NAA30: variants seen among roughly 807,000 people sequenced by gnomAD.
NAA30 encodes N-alpha-acetyltransferase 30, NatC catalytic subunit.
NAA30 carries 5 observed loss-of-function variants against 31.4 expected under a neutral mutation model. That is an observed-to-expected ratio of 0.16 (90% CI 0.08 to 0.33). The LOEUF is 0.33. Among genes scored for constraint, NAA30 ranks in the 10% least tolerant of loss-of-function variants. The pLI is 1.00. For synonymous variants in NAA30, 222 were observed against 207.1 expected (o/e 1.07, Z -0.62); for missense variants, 428 against 490.8 (o/e 0.87, Z 1.21).
Position 57,391,385 on chromosome 14 carries a change from C to A in NAA30, c.428C>A (p.Ser143Tyr), listed in dbSNP as rs777942071. 3.7e-6 allele frequency: 6 copies of A among 1,609,874 alleles called. No individual in the cohort carries two copies. The African/African-American group carries it at 8.0e-5, about 21-fold the overall frequency. Reference sequence around the variant, plus strand: ...GGCGAGAGGCCCCCTCACTCCCTCTCTAGTAATGCAAGAACTGCGGTCCCC... The same window carrying A: ...GGCGAGAGGCCCCCTCACTCCCTCTATAGTAATGCAAGAACTGCGGTCCCC... ...HSGERPPHSL[S>Y]SNARTAVPSP... The change falls in exon 2 of 5, where the codon TCT becomes TAT. Residue 143 changes from serine to tyrosine, a missense_variant. By Grantham distance (144) the Ser-to-Tyr change is moderately radical. Around this residue, in one of 2 missense-constraint regions of NAA30, gnomAD observed 349 missense variants for 310.4 expected, o/e 1.12. Transcript: ENST00000556492. This position sits in a 1 kb window ranked among gnomAD's most constrained non-coding sequence, Gnocchi z 4.1.
intron 4 of NAA30, among the ~76,000 whole-genome samples, chr14:57,400,528 A>T (rs140192993): frequency 3.2e-4 from 48 of 152,350 alleles, no homozygotes; most frequent in African/African-American, 1.0e-3. Context: ...AGAGAAGTAT[A>T]GATGTCTTTA....
chr14:57,403,489 C>G (rs1168230606), intron 4 of NAA30, among the ~76,000 whole-genome samples: 1 of 152,150 alleles, frequency 6.6e-6, no homozygotes, highest in African/African-American at 2.4e-5. Flanking sequence ...TTTTGTCTTA[C>G]TGTAAGTTTC....
intron 4 of NAA30, 39 bp from the exon 5 acceptor site, chr14:57,409,340 G>C: frequency 1.4e-6 from 2 of 1,479,566 alleles, no homozygotes; most frequent in Non-Finnish European, 1.8e-6. Flanking sequence ...TTTTTAAATT[G>C]TGTAATTATA....
chr14:57,408,766 G>A (rs921582702), intron 4 of NAA30, among the ~76,000 whole-genome samples: 1 of 152,114 alleles, frequency 6.6e-6, no homozygotes, highest in African/African-American at 2.4e-5. Context: ...GGTCTTTGTG[G>A]CAACTGCTCA....
chr14:57,392,619 G>A (rs1349112700), intron 2 of NAA30, among the ~76,000 whole-genome samples: 1 of 152,078 alleles, frequency 6.6e-6, no homozygotes, highest in Non-Finnish European at 1.5e-5. Flanking sequence ...TAACTTAAAC[G>A]TTGACTGCAG....
At chr14:57,399,599 G>A (rs894319007) in intron 3 of NAA30, among the ~76,000 whole-genome samples, 1 of 152,202 alleles carries the variant, frequency 6.6e-6, no homozygotes, top group Non-Finnish European at 1.5e-5. Flanking sequence ...AGAAAAAGGA[G>A]TATATTGGGA....
chr14:57,402,941 G>A (rs1329930226), intron 4 of NAA30, among the ~76,000 whole-genome samples: 1 of 152,322 alleles, frequency 6.6e-6, no homozygotes, highest in South Asian at 2.1e-4. Flanking sequence ...AGCACTTTGG[G>A]AGTCCAAGGC....
In NAA30 at chr14:57,397,161, T is replaced by C. The variant is rs74572901; in HGVS notation, c.895+286T>C. On this transcript the variant is annotated intron_variant, in intron 3 of 4. Coordinates refer to ENST00000556492, the MANE Select transcript of NAA30 (RefSeq NM_001011713.3). ...ATCACATTCAAAATGCTTTGCATTATGCTAAGTACCACAAGAAATACTGCA... is the reference window on the plus strand; with the variant it reads ...ATCACATTCAAAATGCTTTGCATTACGCTAAGTACCACAAGAAATACTGCA... Among the ~76,000 whole-genome samples, 668 of 152,344 alleles carry C rather than the reference T, an allele frequency of 4.4e-3. 1 individual carries two copies. The highest frequency in any genetic ancestry group is 7.0e-3 in the Non-Finnish European group (477 of 68,034).
At chr14:57,396,898 G>A (rs373161799) in intron 3 of NAA30, 23 bp downstream of exon 3, 283 of 1,610,592 alleles carry the variant, frequency 1.8e-4, no homozygotes, top group Middle Eastern at 3.3e-4. Flanking sequence ...TTATTTTATG[G>A]AAAGAATGCC....
Position 57,391,380 on chromosome 14 carries a change from C to A in NAA30, c.423C>A (p.Ser141=), listed in dbSNP as rs570033029. 54 of 1,610,468 alleles carry A rather than the reference C, an allele frequency of 3.4e-5. No individual in the cohort carries two copies. The East Asian group carries it at 1.2e-3, about 35-fold the overall frequency. ...ACTCGGGCGAGAGGCCCCCTCACTC[C>A]CTCTCTAGTAATGCAAGAACTGCGG... ...GVHSGERPPH[S]LSSNARTAVP... Residue 141 remains serine, a synonymous_variant, in exon 2 of 5, where the codon TCC becomes TCA. Coordinates refer to ENST00000556492, the MANE Select transcript of NAA30 (RefSeq NM_001011713.3). This position sits in a 1 kb window ranked among gnomAD's most constrained non-coding sequence, Gnocchi z 4.1.
In NAA30 at chr14:57,391,543, A is replaced by T. The variant is rs1165303682; in HGVS notation, c.586A>T (p.Ser196Cys). Reference protein sequence around the residue: ...LLSSSLTADCSLRSPSGREVE... With the variant: ...LLSSSLTADCCLRSPSGREVE... ...GTCTTCGTCCCTGACCGCCGACTGCAGCTTAAGAAGCCCTTCGGGCAGGGA... is the reference window on the plus strand; with the variant it reads ...GTCTTCGTCCCTGACCGCCGACTGCTGCTTAAGAAGCCCTTCGGGCAGGGA... Residue 196 changes from serine to cysteine, a missense_variant, in exon 2 of 5, where the codon AGC becomes TGC. Ser to Cys is a moderately radical substitution (Grantham distance 112). This residue lies in a region of NAA30 where 349 missense variants were observed against 310.4 expected (regional missense o/e 1.12). Coordinates refer to ENST00000556492, the MANE Select transcript of NAA30 (RefSeq NM_001011713.3). This position sits in a 1 kb window ranked among gnomAD's most constrained non-coding sequence, Gnocchi z 4.1. The T allele has an allele frequency of 1.2e-6, 2 of 1,614,018 alleles. No individual in the cohort carries two copies. The highest frequency in any genetic ancestry group is 1.7e-6 in the Non-Finnish European group (2 of 1,180,030).
At position 57,396,224 on chromosome 14, in the gene NAA30, G is replaced by A. The variant is rs117589590; in HGVS notation, c.772-528G>A. On this transcript the variant is annotated intron_variant, in intron 2 of 4. Coordinates refer to ENST00000556492, the MANE Select transcript of NAA30 (RefSeq NM_001011713.3). ...CCCTGAGCTCAAGCAATCTGCCTGC[G>A]CCTGCCTCCCAAAGTGCTGGGTTTA... Among the ~76,000 whole-genome samples, 368 of 152,230 alleles carry A rather than the reference G, an allele frequency of 2.4e-3. 8 individuals carry two copies. In the East Asian group the frequency reaches 0.056, roughly 23 times the overall value.
intron 4 of NAA30, among the ~76,000 whole-genome samples, chr14:57,400,711 G>A (rs1156821165): frequency 6.6e-6 from 1 of 152,132 alleles, no homozygotes; most frequent in Non-Finnish European, 1.5e-5. Flanking sequence ...TTTGTTTAGT[G>A]ACTTAAAAGA....
chr14:57,398,634 T>A (rs545571996), intron 3 of NAA30, among the ~76,000 whole-genome samples: 14 of 70,814 alleles, frequency 2.0e-4, no homozygotes, highest in East Asian at 5.3e-4. Flanking sequence ...ATTTATTTTT[T>A]TTATTATTAT....
At chr14:57,398,686 G>A (rs528387045) in intron 3 of NAA30, among the ~76,000 whole-genome samples, 14 of 151,972 alleles carry the variant, frequency 9.2e-5, no homozygotes, top group East Asian at 5.8e-4. Flanking sequence ...AGGTTGGAGC[G>A]CAGTGGCATG....
intron 4 of NAA30, 85 bp downstream of exon 4, chr14:57,399,968 A>AAT: frequency 1.4e-6 from 1 of 698,074 alleles, no homozygotes; most frequent in Non-Finnish European, 2.4e-6. Context: ...AATTTATTGC[A>AAT]GATTTCATTG....
chr14:57,406,874 C>G (rs866190410), intron 4 of NAA30, among the ~76,000 whole-genome samples: 5 of 152,092 alleles, frequency 3.3e-5, no homozygotes, highest in Admixed American at 2.6e-4. Flanking sequence ...TTAATTATGT[C>G]TGTGTGTGTA....
intron 4 of NAA30, among the ~76,000 whole-genome samples, chr14:57,401,391 G>A (rs1323612706): frequency 6.6e-6 from 1 of 152,160 alleles, no homozygotes; most frequent in Admixed American, 6.5e-5. Context: ...AGGTGTTGAA[G>A]GATCTCACAT....
chr14:57,414,178 C>T lies in NAA30; in HGVS notation c.*4662C>T, dbSNP rs1289559476. The T allele has an allele frequency of 5.9e-5, 9 of 152,186 alleles. No individual in the cohort carries two copies. 9.4% of individuals were successfully genotyped at this position (152,186 alleles called of 1,614,324 possible). On this transcript the variant is annotated 3_prime_UTR_variant, in exon 5 of 5. Coordinates refer to ENST00000556492, the MANE Select transcript of NAA30 (RefSeq NM_001011713.3). ...CCTATTATCCCAGCGTTTTGGGAGG[C>T]TGAGATGGTAGTTTGCAACCAGCCA...
Sources: gnomAD v4.1 joint callset for allele counts (sites outside exome capture counted in the v4.1 genomes callset) on GRCh38, gnomAD v4.1.1 for gene constraint, gnomAD v4.1.1 regional missense constraint, Gnocchi (gnomAD v3.1) non-coding constraint, MANE v1.5 for transcripts, NCBI Gene and HGNC (gene_info 2026-07-23, HGNC 2026-07-21) for gene names.